MON2: variants seen among roughly 807,000 people sequenced by gnomAD.
The protein encoded by MON2 is MON2 regulator of endosome-to-Golgi trafficking.
A neutral mutation model predicts 208.6 loss-of-function variants in MON2; 84 were observed. The observed-to-expected ratio is 0.40, with a 90% CI of 0.34 to 0.48. MON2 has a LOEUF of 0.48. Ranked by LOEUF, MON2 falls within the 20% of genes least tolerant of loss-of-function variation. MON2 has a pLI of 0.59. For synonymous variants in MON2, 660 were observed against 694.0 expected (o/e 0.95, Z 0.77); for missense variants, 1,611 against 2,015.4 (o/e 0.80, Z 3.84).
At chr12:62,534,542 A>AATATATATATATATATATATATATTAT (rs2072846021) in intron 12 of MON2, among the ~76,000 whole-genome samples, 1 of 22,850 alleles carries the variant, frequency 4.4e-5, no homozygotes, top group African/African-American at 2.0e-4. Context: ...AAAAAAAAAA[A>AATATATATATATATATATATATATTAT]ATATATATAT....
intron 33 of MON2, chr12:62,587,712 C>G (rs1455175637): frequency 1.1e-5 from 2 of 187,136 alleles, no homozygotes; most frequent in African/African-American, 4.8e-5. Context: ...GCACTCCAGT[C>G]TAAGTGACAG....
At position 62,594,288 on chromosome 12, in the gene MON2, CA is replaced by C. The variant is rs2075474629; in HGVS notation, c.*1540del. 1 of 152,054 alleles carries C rather than the reference CA, an allele frequency of 6.6e-6. No individual in the cohort carries two copies. Among genetic ancestry groups the C allele is most frequent in the Non-Finnish European group, 1.5e-5 (1 of 67,972 alleles). The allele number at this position is 152,054 out of a possible 1,614,324, so 9.4% of individuals were successfully genotyped here. A position where few individuals can be genotyped will look rare whatever the true frequency, so the allele number is the denominator to read the frequency against. ...TTATAATTGAGTCATGATTGAGATA[CA>C]GTTTTGAGGCTATTATAATTGTATA... On this transcript the variant is annotated 3_prime_UTR_variant, in exon 35 of 35. Coordinates refer to ENST00000393630, the MANE Select transcript of MON2 (RefSeq NM_015026.3).
chr12:62,509,859 A>G (rs7298782), intron 8 of MON2, among the ~76,000 whole-genome samples: 56,205 of 151,448 alleles, frequency 0.37, 10,647 homozygotes, highest in African/African-American at 0.42. Context: ...AGCAATAGAG[A>G]GAATCAATGC....
intron 11 of MON2, among the ~76,000 whole-genome samples, chr12:62,528,206 TC>T (rs1222357701): frequency 5.9e-5 from 9 of 152,204 alleles, no homozygotes; most frequent in Non-Finnish European, 1.5e-5. Flanking sequence ...TGAATTGGCA[TC>T]TTTTATTCAA....
chr12:62,535,548 A>C lies in MON2; in HGVS notation c.1739A>C (p.Asn580Thr). The C allele has an allele frequency of 6.2e-7, 1 of 1,608,242 alleles. No homozygotes were observed. The highest frequency in any genetic ancestry group is 8.5e-7 in the Non-Finnish European group (1 of 1,178,232). The change falls in exon 14 of 35, where the codon AAT (asparagine) becomes ACT (threonine). Residue 580 changes from asparagine (N) to threonine (T), a missense_variant. Coordinates refer to ENST00000393630, the MANE Select transcript of MON2 (RefSeq NM_015026.3). ...AGCACAGATGAAGCTGCCACTGAGA[A>C]TATTTTAAAAGCTGAACTGACTATG... ...DASTDEAATE[N>T]ILKAELTMAA...
chr12:62,539,746 G>T (rs2073151039), intron 19 of MON2, among the ~76,000 whole-genome samples: 1 of 152,076 alleles, frequency 6.6e-6, no homozygotes, highest in Non-Finnish European at 1.5e-5. Flanking sequence ...GCTGGGCATG[G>T]TGGCTTACGC....
intron 32 of MON2, among the ~76,000 whole-genome samples, chr12:62,582,345 C>G (rs1167108683): frequency 6.6e-6 from 1 of 152,160 alleles, no homozygotes; most frequent in African/African-American, 2.4e-5. Context: ...TGACACATGT[C>G]TTCTCAGCAC....
At chr12:62,499,142 T>G in intron 5 of MON2, 94 bp downstream of exon 5, 2 of 1,291,422 alleles carry the variant, frequency 1.5e-6, no homozygotes, top group Admixed American at 4.8e-5. Flanking sequence ...TCAACATTAT[T>G]ATGTCTATAA....
intron 2 of MON2, among the ~76,000 whole-genome samples, chr12:62,489,723 C>G (rs1393465760): frequency 2.0e-5 from 3 of 152,030 alleles, no homozygotes; most frequent in Non-Finnish European, 2.9e-5. Flanking sequence ...ATAGCCCCTT[C>G]CCTTTCCTGT....
At chr12:62,483,543 A>C (rs1387309903) in intron 1 of MON2, among the ~76,000 whole-genome samples, 3 of 151,986 alleles carry the variant, frequency 2.0e-5, no homozygotes, top group Non-Finnish European at 1.5e-5. Context: ...ACAAAAATAA[A>C]ACACTCTACT....
Position 62,501,686 on chromosome 12 carries a change from G to C in MON2, c.777G>C (p.Gln259His). The C allele has an allele frequency of 6.2e-7, 1 of 1,614,078 alleles. No homozygotes were observed. The highest frequency in any genetic ancestry group is 8.5e-7 in the Non-Finnish European group (1 of 1,179,964). ...LLESVLNDFP[Q>H]VFLQHQEFSF... ...AGTCAGTCCTCAATGATTTTCCGCAGGTCTTTTTACAAGTAAGCCATTTAT... is the reference window on the plus strand; with the variant it reads ...AGTCAGTCCTCAATGATTTTCCGCACGTCTTTTTACAAGTAAGCCATTTAT... Residue 259 changes from glutamine to histidine, a missense_variant, in exon 7 of 35, where the codon CAG becomes CAC. Gln to His is a conservative substitution (Grantham distance 24). Coordinates refer to ENST00000393630, the MANE Select transcript of MON2 (RefSeq NM_015026.3).
At chr12:62,494,113 C>T in intron 3 of MON2, 71 bp downstream of exon 3, 1 of 1,317,380 alleles carries the variant, frequency 7.6e-7, no homozygotes, top group South Asian at 1.5e-5. Context: ...GAGAATGAAA[C>T]ATACCTGATA....
In MON2 at chr12:62,574,677, T is replaced by C. The variant is rs540769901; in HGVS notation, c.4514+3095T>C. 1.2e-4 allele frequency among the ~76,000 whole-genome samples: 18 copies of C among 152,242 alleles called. No homozygotes were observed. The South Asian group carries it at 3.7e-3, about 32-fold the overall frequency. ...CAGTATCAGTATTCTAAGTTATGGTTATTCTAGTTACAGATTTAAGCTTTC... is the reference window on the plus strand; with the variant it reads ...CAGTATCAGTATTCTAAGTTATGGTCATTCTAGTTACAGATTTAAGCTTTC... On this transcript the variant is annotated intron_variant, in intron 30 of 34. Coordinates refer to ENST00000393630, the MANE Select transcript of MON2 (RefSeq NM_015026.3).
At chr12:62,469,382 T>G (rs550535420) in intron 1 of MON2, among the ~76,000 whole-genome samples, 2 of 152,348 alleles carry the variant, frequency 1.3e-5, no homozygotes, top group African/African-American at 4.8e-5. Context: ...GGTTTTTACT[T>G]GAACACTGGC....
chr12:62,576,450 A>G (rs1338483574), intron 30 of MON2, among the ~76,000 whole-genome samples: 4 of 152,114 alleles, frequency 2.6e-5, no homozygotes, highest in East Asian at 3.8e-4. Flanking sequence ...ATATTTTAAA[A>G]GGGTGAATTT....
In MON2 at chr12:62,565,982, A is replaced by G. The variant is rs773407778; in HGVS notation, c.4177-32A>G. 6.9e-6 allele frequency: 11 copies of G among 1,589,880 alleles called. No homozygotes were observed. The Admixed American group carries it at 1.3e-4, about 18-fold the overall frequency. ...AATATGTATTAACTTTTCTCATTCTATTTGTCTTGCAACACAATGGAATCA... is the reference window on the plus strand; with the variant it reads ...AATATGTATTAACTTTTCTCATTCTGTTTGTCTTGCAACACAATGGAATCA... On this transcript the variant is annotated intron_variant, in intron 27 of 34. Coordinates refer to ENST00000393630, the MANE Select transcript of MON2 (RefSeq NM_015026.3).
chr12:62,560,371 T>C (rs2074152193), intron 25 of MON2, 120 bp from the exon 26 acceptor site: 1 of 988,538 alleles, frequency 1.0e-6, no homozygotes, highest in East Asian at 2.4e-5. Flanking sequence ...AGTCATATAT[T>C]TTCCAGTTCT....
Position 62,538,123 on chromosome 12 carries a change from C to G in MON2, c.2146C>G (p.Pro716Ala). 1 of 1,613,402 alleles carries G rather than the reference C, an allele frequency of 6.2e-7. No individual in the cohort carries two copies. The highest frequency in any genetic ancestry group is 8.5e-7 in the Non-Finnish European group (1 of 1,179,786). ...TCTTGTGTGGATTCTGGGATTAAAG[C>G]CTAGTAGTGGCGGTGCCTTGAAACC... ...QHLVWILGLK[P>A]SSGGALKPGR... Residue 716 changes from proline to alanine, a missense_variant, in exon 17 of 35, where the codon CCT (proline) becomes GCT (alanine). Transcript: ENST00000393630.
At position 62,588,258 on chromosome 12, in the gene MON2, C is replaced by A. The variant is rs144933330; in HGVS notation, c.4990+102C>A. 2.8e-4 allele frequency: 205 copies of A among 734,892 alleles called. No individual in the cohort carries two copies. The African/African-American group carries it at 3.5e-3, about 13-fold the overall frequency. The allele number at this position is 734,892 out of a possible 1,614,324, so 45.5% of individuals were successfully genotyped here. ...AACTGAATTATAGGAACATAGCAGT[C>A]ATTAGACTTCTTTTCTCCAGTTCTC... On this transcript the variant is annotated intron_variant, in intron 34 of 34. Coordinates refer to ENST00000393630, the MANE Select transcript of MON2 (RefSeq NM_015026.3).
Sources: allele counts gnomAD v4.1 joint callset (sites outside exome capture counted in the v4.1 genomes callset), GRCh38; gene constraint gnomAD v4.1.1; transcripts MANE v1.5; gene names NCBI Gene and HGNC (gene_info 2026-07-23, HGNC 2026-07-21).